RBMX2: variants seen among roughly 807,000 people sequenced by gnomAD.
RBMX2 encodes RNA binding motif protein X-linked 2.
For synonymous variants in RBMX2, 77 were observed against 94.3 expected, an observed-to-expected ratio of 0.82 and a Z score of 1.07; for missense variants, 191 against 256.0, an observed-to-expected ratio of 0.75 and a Z score of 1.73.
In RBMX2 at chrX:130,412,985, G is replaced by C. The variant is rs1219469037; in HGVS notation, c.*137G>C. On this transcript the variant is annotated 3_prime_UTR_variant, in exon 6 of 6. Coordinates refer to ENST00000305536, the MANE Select transcript of RBMX2 (RefSeq NM_016024.4). ...AATCCCTTGACTATTTAGAGTCATTGGGAGGGCTGCAGTTTCAACAGCTAG... is the reference window on the plus strand; with the variant it reads ...AATCCCTTGACTATTTAGAGTCATTCGGAGGGCTGCAGTTTCAACAGCTAG... The C allele has an allele frequency of 1.6e-6, 1 of 632,751 alleles. No individual in the cohort carries two copies. The highest frequency in any genetic ancestry group is 2.3e-6 in the Non-Finnish European group (1 of 429,714). 52.1% of individuals were successfully genotyped at this position (632,751 alleles called of 1,213,427 possible). A position where few individuals can be genotyped will look rare whatever the true frequency, so the allele number is the denominator to read the frequency against.
chrX:130,412,241 C>A, intron 5 of RBMX2, 120 bp from the exon 6 acceptor site: 1 of 938,911 alleles, frequency 1.1e-6, no homozygotes, highest in Non-Finnish European at 1.4e-6. Context: ...TGTTTTTGAA[C>A]TGTAGCACCT....
At chrX:130,402,184 A>C (rs1236973128) in intron 1 of RBMX2, 71 bp from the exon 2 acceptor site, 1 of 1,167,223 alleles carries the variant, frequency 8.6e-7, no homozygotes, top group African/African-American at 1.8e-5. Context: ...GCTCTTCCTC[A>C]GCTCCGGCCG....
Position 130,411,495 on chromosome X carries a change from G to C in RBMX2, c.451G>C (p.Asp151His). Residue 151 changes from aspartate to histidine, a missense_variant, in exon 5 of 6, where the codon GAT (aspartate) becomes CAT (histidine). Coordinates refer to ENST00000305536, the MANE Select transcript of RBMX2 (RefSeq NM_016024.4). ...PSPSLSESSE[D>H]EKPTKKHKKD... ...ACCAAGTTTGTCTGAGAGCTCTGAA[G>C]ATGAAAAACCAACAAAAAAGCACAA... 3 of 1,197,263 alleles carry C rather than the reference G, an allele frequency of 2.5e-6. No homozygotes were observed. Among genetic ancestry groups the C allele is most frequent in the Non-Finnish European group, 2.2e-6 (2 of 890,375 alleles).
At chrX:130,411,170 T>C in intron 4 of RBMX2, 178 bp from the exon 5 acceptor site, 1 of 363,693 alleles carries the variant, frequency 2.7e-6, no homozygotes, top group Non-Finnish European at 4.6e-6. Flanking sequence ...GCTGAATGTA[T>C]TAATATTTAG....
chrX:130,411,985 C>A (rs1296206138), intron 5 of RBMX2, among the ~76,000 whole-genome samples: 1 of 111,463 alleles, frequency 9.0e-6, no homozygotes, highest in East Asian at 2.8e-4. Flanking sequence ...TGCAGTGGCA[C>A]GATCTCGGCT....
At chrX:130,411,217 C>A in intron 4 of RBMX2, 131 bp from the exon 5 acceptor site, 1 of 637,080 alleles carries the variant, frequency 1.6e-6, no homozygotes, top group Non-Finnish European at 2.3e-6. Context: ...GACAGGTCTG[C>A]TTTAGTGACA....
chrX:130,411,989 C>T (rs758266346), intron 5 of RBMX2, among the ~76,000 whole-genome samples: 2 of 111,584 alleles, frequency 1.8e-5, no homozygotes, highest in Non-Finnish European at 3.8e-5. Flanking sequence ...GTGGCACGAT[C>T]TCGGCTCACT....
intron 3 of RBMX2, among the ~76,000 whole-genome samples, chrX:130,408,063 A>G (rs2034494428): frequency 9.0e-6 from 1 of 110,767 alleles, no homozygotes; most frequent in Non-Finnish European, 1.9e-5. Flanking sequence ...CTGGTCTCGA[A>G]CTACTGGCCT....
intron 3 of RBMX2, 22 bp from the exon 4 acceptor site, chrX:130,409,235 T>TA: frequency 8.5e-7 from 1 of 1,182,061 alleles, no homozygotes; most frequent in Non-Finnish European, 1.1e-6. Context: ...AACAGTGTCT[T>TA]ACTCTTTTAT....
intron 4 of RBMX2, 51 bp downstream of exon 4, chrX:130,409,437 G>A (rs754703162): frequency 1.3e-5 from 15 of 1,140,221 alleles, no homozygotes; most frequent in Non-Finnish European, 1.5e-5. Flanking sequence ...CATGTATAGG[G>A]GTTTCGTTTT....
At position 130,412,560 on chromosome X, in the gene RBMX2, C is replaced by T; in HGVS notation, c.681C>T (p.Ser227=). 1 of 1,205,515 alleles carries T rather than the reference C, an allele frequency of 8.3e-7. No homozygotes were observed. The highest frequency in any genetic ancestry group is 1.1e-6 in the Non-Finnish European group (1 of 894,108). ...GGGAGGGGCAGAAGCTCCCCAAATC[C>T]AGGACGGCCTACTCTGGTGGAGCAG... ...EPREGQKLPK[S]RTAYSGGAED... Residue 227 remains serine (S), a synonymous_variant, in exon 6 of 6, where the codon TCC becomes TCT. Coordinates refer to ENST00000305536, the MANE Select transcript of RBMX2 (RefSeq NM_016024.4).
rs2034522472 is a variant in RBMX2 at position 130,412,908 on chromosome X, A to G, written c.*60A>G. On this transcript the variant is annotated 3_prime_UTR_variant, in exon 6 of 6. Coordinates refer to ENST00000305536, the MANE Select transcript of RBMX2 (RefSeq NM_016024.4). The stretch of plus-strand genomic sequence containing the variant: ...ATGTTTTTTAAATGCAGTCAAATTC[A>G]GTTGGGTGGTTACTATTTTTGTATC... 7.4e-6 allele frequency: 8 copies of G among 1,077,985 alleles called. No homozygotes were observed. In the South Asian group the frequency reaches 1.6e-4, roughly 22 times the overall value. The allele number at this position is 1,077,985 out of a possible 1,213,427, so 88.8% of individuals were successfully genotyped here. A position where few individuals can be genotyped will look rare whatever the true frequency, so the allele number is the denominator to read the frequency against.
At position 130,412,804 on chromosome X, in the gene RBMX2, C is replaced by T. The variant is rs775931625; in HGVS notation, c.925C>T (p.Arg309Trp). The stretch of plus-strand genomic sequence containing the variant: ...TAGGCATAAAAGGGCCCGACGCTCC[C>T]GGGAGCGGGAGTCTTCGAATCCCAG... ...SHRHKRARRS[R>W]ERESSNPSDR... The change falls in exon 6 of 6, where the codon CGG becomes TGG. Residue 309 changes from arginine (R) to tryptophan (W), a missense_variant. Transcript: ENST00000305536. The T allele has an allele frequency of 3.2e-4, 391 of 1,208,368 alleles. No individual in the cohort carries two copies. The highest frequency in any genetic ancestry group is 5.3e-4 in the Middle Eastern group (2 of 3,808).
intron 4 of RBMX2, 51 bp from the exon 5 acceptor site, chrX:130,411,297 A>T: frequency 9.5e-7 from 1 of 1,055,095 alleles, no homozygotes; most frequent in Non-Finnish European, 1.3e-6. Context: ...AAATAGTTTG[A>T]CAGTTTGGTA....
At chrX:130,402,435 G>A in intron 2 of RBMX2, 65 bp downstream of exon 2, 1 of 1,159,463 alleles carries the variant, frequency 8.6e-7, no homozygotes, top group East Asian at 3.2e-5. Context: ...CGACTATTTC[G>A]GCATTTTCAC....
rs982593271 is a variant in RBMX2, at chrX:130,409,443, G to A, written c.303+57G>A. The A allele has an allele frequency of 2.9e-5, 32 of 1,117,074 alleles. No individual in the cohort carries two copies. In the South Asian group the frequency reaches 3.4e-4, roughly 12 times the overall value. The allele number at this position is 1,117,074 out of a possible 1,213,427, so 92.1% of individuals were successfully genotyped here. On this transcript the variant is annotated intron_variant, in intron 4 of 5. Transcript: ENST00000305536. ...CTTTTTTCCCATGTATAGGGGTTTC[G>A]TTTTCTACCTGGTTCCCGCAGACAC...
intron 5 of RBMX2, among the ~76,000 whole-genome samples, 200 bp from the exon 6 acceptor site, chrX:130,412,161 C>T (rs2034516125): frequency 9.3e-6 from 1 of 107,122 alleles, no homozygotes; most frequent in Non-Finnish European, 1.9e-5. Flanking sequence ...CTCCTGACCT[C>T]GTGATCCGCC....
intron 3 of RBMX2, among the ~76,000 whole-genome samples, chrX:130,406,667 T>A (rs1297640435): frequency 1.2e-5 from 1 of 85,187 alleles, no homozygotes; most frequent in African/African-American, 5.2e-5. Context: ...AGTGAGACTC[T>A]GTCTCCAAAA....
In RBMX2 at chrX:130,413,059, G is replaced by A; in HGVS notation, c.*211G>A. The A allele has an allele frequency of 2.8e-6, 1 of 361,926 alleles. No individual in the cohort carries two copies. The highest frequency in any genetic ancestry group is 4.7e-6 in the Non-Finnish European group (1 of 214,372). 29.8% of individuals were successfully genotyped at this position (361,926 alleles called of 1,213,427 possible). A position where few individuals can be genotyped will look rare whatever the true frequency, so the allele number is the denominator to read the frequency against. On this transcript the variant is annotated 3_prime_UTR_variant, in exon 6 of 6. Transcript: ENST00000305536. ...ATCCATTGTCCCTGTACCAGAGTAT[G>A]TATCCTGAACTTTGGTTCATAAATA...
Sources: allele counts gnomAD v4.1 joint callset (sites outside exome capture counted in the v4.1 genomes callset), GRCh38; gene constraint gnomAD v4.1.1; transcripts MANE v1.5; gene names NCBI Gene and HGNC (gene_info 2026-07-23, HGNC 2026-07-21).